Variants in RETSAT observed in about 807,000 individuals in gnomAD.
RETSAT encodes all-trans-retinol 13,14-reductase.
RETSAT carries 35 observed loss-of-function variants against 61.6 expected under a neutral mutation model. That is an observed-to-expected ratio of 0.57 (90% CI 0.43 to 0.75). The LOEUF (loss-of-function observed/expected upper bound fraction) is 0.75. Ranked by LOEUF, RETSAT falls within the 30% of genes least tolerant of loss-of-function variation. The pLI, the probability that RETSAT is intolerant of heterozygous loss-of-function variation, is 0.00. For synonymous variants in RETSAT, 277 were observed against 310.4 expected (o/e 0.89, Z 1.13); for missense variants, 670 against 759.5 (o/e 0.88, Z 1.38).
chr2:85,344,393 C>T (rs1261970054), intron 7 of RETSAT, 45 bp from the exon 8 acceptor site: 1 of 1,593,558 alleles, frequency 6.3e-7, no homozygotes. Flanking sequence ...TTTTTGTCCT[C>T]AAAACCCCAG....
intron 3 of RETSAT, among the ~76,000 whole-genome samples, chr2:85,350,548 C>G (rs919084388): frequency 6.6e-6 from 1 of 152,062 alleles, no homozygotes; most frequent in Admixed American, 6.6e-5. Context: ...GGGAGGAGAG[C>G]AGGGCATCCC....
chr2:85,344,287 A>G lies in RETSAT; in HGVS notation c.1318T>C (p.Phe440Leu). The change falls in exon 8 of 11, where the codon TTC becomes CTC. Residue 440 changes from phenylalanine to leucine, a missense_variant. By Grantham distance (22) the Phe-to-Leu change is conservative. Coordinates refer to ENST00000295802, the MANE Select transcript of RETSAT (RefSeq NM_017750.4). ...GGATCTTTGGCTGATGGGAAAGCGAAGAAGAGAAGAGGGATGTGTTCCGCA... is the reference window on the plus strand; with the variant it reads ...GGATCTTTGGCTGATGGGAAAGCGAGGAAGAGAAGAGGGATGTGTTCCGCA... The part of the protein sequence containing the change: ...EAAEHIPLLF[F>L]AFPSAKDPTW... The G allele has an allele frequency of 6.2e-7, 1 of 1,614,098 alleles. No individual in the cohort carries two copies. The highest frequency in any genetic ancestry group is 8.5e-7 in the Non-Finnish European group (1 of 1,180,010).
chr2:85,351,273 C>A (rs891951547), intron 2 of RETSAT: 2 of 526,746 alleles, frequency 3.8e-6, no homozygotes, highest in Non-Finnish European at 6.8e-6. Context: ...CACCCATAAT[C>A]CCAACACTTT....
At position 85,350,069 on chromosome 2, in the gene RETSAT, G is replaced by T. The variant is rs1012326861; in HGVS notation, c.770C>A (p.Ala257Glu). 1 of 1,613,826 alleles carries T rather than the reference G, an allele frequency of 6.2e-7. No individual in the cohort carries two copies. The highest frequency in any genetic ancestry group is 1.3e-5 in the African/African-American group (1 of 75,006). ...AGTGGGGAAGATGTAGCTGAGTACT[G>T]CCTGGAGCTCAGAGGAGGCCCCCAG... ...QQLGASSELQAVLSYIFPTYG... is the reference protein window; with the variant it reads ...QQLGASSELQEVLSYIFPTYG... Residue 257 changes from alanine to glutamate, a missense_variant, in exon 4 of 11, where the codon GCA (alanine) becomes GAA (glutamate). Transcript: ENST00000295802.
rs536129262 is a variant in RETSAT at position 85,348,008 on chromosome 2, T to A, written c.997+1376A>T. On this transcript the variant is annotated intron_variant, in intron 5 of 10. Coordinates refer to ENST00000295802, the MANE Select transcript of RETSAT (RefSeq NM_017750.4). Reference sequence around the variant, plus strand: ...CCAGTTTTTCCCAGGCCTCTTTTTGTCTGCTTCCCTGGCTTCTTTAAGCAC... The same window carrying A: ...CCAGTTTTTCCCAGGCCTCTTTTTGACTGCTTCCCTGGCTTCTTTAAGCAC... 3.3e-5 allele frequency among the ~76,000 whole-genome samples: 5 copies of A among 152,354 alleles called. No individual in the cohort carries two copies. In the East Asian group the frequency reaches 9.6e-4, roughly 29 times the overall value.
At position 85,345,991 on chromosome 2, in the gene RETSAT, G is replaced by C. The variant is rs138319569; in HGVS notation, c.1101C>G (p.Asn367Lys). ...FNTYEHLLPG[N>K]ARCLPGVKQQ... ...GCCTTTTACCTGGCAGGCAGCGGGCGTTCCCCGGCAGTAGGTGTTCATAGG... is the reference window on the plus strand; with the variant it reads ...GCCTTTTACCTGGCAGGCAGCGGGCCTTCCCCGGCAGTAGGTGTTCATAGG... The change falls in exon 6 of 11, where the codon AAC (asparagine) becomes AAG (lysine). Residue 367 changes from asparagine (N) to lysine (K), a missense_variant. Asn to Lys is a moderately conservative substitution (Grantham distance 94). Transcript: ENST00000295802. 129 of 1,614,048 alleles carry C rather than the reference G, an allele frequency of 8.0e-5. 1 individual carries two copies. Among genetic ancestry groups the C allele is most frequent in the Admixed American group, 8.3e-5 (5 of 59,992 alleles).
Position 85,350,168 on chromosome 2 carries a change from C to T in RETSAT, c.671G>A (p.Arg224Lys). The T allele has an allele frequency of 4.3e-6, 7 of 1,613,972 alleles. No homozygotes were observed. Among genetic ancestry groups the T allele is most frequent in the Non-Finnish European group, 5.9e-6 (7 of 1,180,018 alleles). Residue 224 changes from arginine (R) to lysine (K), a missense_variant, in exon 4 of 11, where the codon AGG becomes AAG. By Grantham distance (26) the Arg-to-Lys change is conservative (BLOSUM62 2). Coordinates refer to ENST00000295802, the MANE Select transcript of RETSAT (RefSeq NM_017750.4). ...AGAGAAACGAGTCAGCAGCCCACAC[C>T]TGTCGAGGAGCTGAACCACGGGCAA... ...LPLPVVQLLD[R>K]CGLLTRFSPF...
Position 85,342,587 on chromosome 2 carries a change from A to G in RETSAT, c.*655T>C, listed in dbSNP as rs1226021212. The stretch of plus-strand genomic sequence containing the variant: ...CCCGGGACTTCCATATGAATTGGAT[A>G]TGATCATCTGACATGCACCCTACTA... On this transcript the variant is annotated 3_prime_UTR_variant, in exon 11 of 11. Transcript: ENST00000295802. 6.6e-6 allele frequency: 1 copy of G among 152,564 alleles called. No individual in the cohort carries two copies. The highest frequency in any genetic ancestry group is 1.5e-5 in the Non-Finnish European group (1 of 68,372). The allele number at this position is 152,564 out of a possible 1,614,324, so 9.5% of individuals were successfully genotyped here.
At chr2:85,354,303 T>G in intron 1 of RETSAT, 33 bp downstream of exon 1, 1 of 1,612,280 alleles carries the variant, frequency 6.2e-7, no homozygotes. Context: ...AAGCCTCGAG[T>G]GCAGCCCCGG....
Position 85,346,060 on chromosome 2 carries a change from G to A in RETSAT, c.1032C>T (p.Asn344=), listed in dbSNP as rs752594681. The change falls in exon 6 of 11, where the codon AAC becomes AAT. Residue 344 remains asparagine (N), a synonymous_variant. Coordinates refer to ENST00000295802, the MANE Select transcript of RETSAT (RefSeq NM_017750.4). The part of the protein sequence containing the change: ...VSVKKGHELV[N]IYCPIVVSNA... Reference sequence around the variant, plus strand: ...TGGAGACCACGATGGGGCAATAGATGTTCACCAGCTCATGCCCCTTCTTCA... The same window carrying A: ...TGGAGACCACGATGGGGCAATAGATATTCACCAGCTCATGCCCCTTCTTCA... 2.3e-5 allele frequency: 37 copies of A among 1,613,818 alleles called. No individual in the cohort carries two copies. Among genetic ancestry groups the A allele is most frequent in the South Asian group, 1.9e-4 (17 of 91,082 alleles).
chr2:85,345,058 G>A (rs1395031242), intron 6 of RETSAT, among the ~76,000 whole-genome samples: 1 of 152,178 alleles, frequency 6.6e-6, no homozygotes, highest in Non-Finnish European at 1.5e-5. Flanking sequence ...GTCACAGAGA[G>A]AAAGGTAGGA....
At chr2:85,349,851 A>G in intron 4 of RETSAT, 189 bp downstream of exon 4, 1 of 639,792 alleles carries the variant, frequency 1.6e-6, no homozygotes, top group Non-Finnish European at 2.7e-6. Flanking sequence ...CATCCAAGGC[A>G]TGGATGAACA....
rs755256878 is a variant in RETSAT, at chr2:85,343,838, G to C, written c.1534-40C>G. On this transcript the variant is annotated intron_variant, in intron 9 of 10. Coordinates refer to ENST00000295802, the MANE Select transcript of RETSAT (RefSeq NM_017750.4). ...GGTGGGGCAGGCATGTGAGATCCTG[G>C]CTCCCCTCCCTCTTCCACTCTTTCC... The C allele has an allele frequency of 9.9e-6, 16 of 1,608,794 alleles. No individual in the cohort carries two copies. The African/African-American group carries it at 1.7e-4, about 17-fold the overall frequency.
chr2:85,343,709 C>T lies in RETSAT; in HGVS notation c.1623G>A (p.Leu541=), dbSNP rs1038019998. Residue 541 remains leucine (L), a synonymous_variant, in exon 10 of 11, where the codon CTG becomes CTA. Transcript: ENST00000295802. ...RGACYGADHD[L]GRLHPCVMAS... ...CCATCACACAAGGGTGCAGGCGGCC[C>T]AGGTCATGGTCAGCCCCGTAGCAGG... 20 of 1,614,018 alleles carry T rather than the reference C, an allele frequency of 1.2e-5. 1 individual carries two copies. In the Admixed American group the frequency reaches 2.7e-4, roughly 22 times the overall value.
At chr2:85,344,404 A>G (rs1683152163) in intron 7 of RETSAT, 56 bp from the exon 8 acceptor site, 1 of 1,580,292 alleles carries the variant, frequency 6.3e-7, no homozygotes, top group African/African-American at 1.3e-5. Context: ...AAAACCCCAG[A>G]ACCACTGCAA....
At chr2:85,349,923 T>G (rs1683269539) in intron 4 of RETSAT, 117 bp downstream of exon 4, 1 of 968,358 alleles carries the variant, frequency 1.0e-6, no homozygotes, top group African/African-American at 1.6e-5. Flanking sequence ...CCAGAGGGCC[T>G]GGGGTTTACA....
rs1166731277 is a variant in RETSAT, at chr2:85,351,799, C to T, written c.236G>A (p.Gly79Asp). The T allele has an allele frequency of 2.5e-6, 4 of 1,614,028 alleles. No individual in the cohort carries two copies. Among genetic ancestry groups the T allele is most frequent in the South Asian group, 1.1e-5 (1 of 91,096 alleles). ...DVVVIGSGFGGLAAAAILAKA... is the reference protein window; with the variant it reads ...DVVVIGSGFGDLAAAAILAKA... ...AGCTAGAATTGCAGCTGCAGCCAGGCCCCCAAAGCCACTGCCAATTACCAC... is the reference window on the plus strand; with the variant it reads ...AGCTAGAATTGCAGCTGCAGCCAGGTCCCCAAAGCCACTGCCAATTACCAC... The change falls in exon 2 of 11, where the codon GGC (glycine) becomes GAC (aspartate). Residue 79 changes from glycine (G) to aspartate (D), a missense_variant. By Grantham distance (94) the Gly-to-Asp change is moderately conservative. Coordinates refer to ENST00000295802, the MANE Select transcript of RETSAT (RefSeq NM_017750.4).
chr2:85,350,155 C>G lies in RETSAT; in HGVS notation c.684G>C (p.Leu228=), dbSNP rs1311335595. 6.2e-7 allele frequency: 1 copy of G among 1,613,968 alleles called. No homozygotes were observed. Among genetic ancestry groups the G allele is most frequent in the East Asian group, 2.2e-5 (1 of 44,868 alleles). The change falls in exon 4 of 11, where the codon CTG becomes CTC. Residue 228 remains leucine, a synonymous_variant. Transcript: ENST00000295802. ...VVQLLDRCGL[L]TRFSPFLQAS... is the part of the protein sequence containing the mutation. ...CTTGAAGGAATGGAGAGAAACGAGT[C>G]AGCAGCCCACACCTGTCGAGGAGCT...
At chr2:85,347,342 A>G (rs1160487680) in intron 5 of RETSAT, among the ~76,000 whole-genome samples, 1 of 151,976 alleles carries the variant, frequency 6.6e-6, no homozygotes, top group East Asian at 1.9e-4. Flanking sequence ...CAATTCTCCT[A>G]TCCTGGCCTC....
Sources: allele counts gnomAD v4.1 joint callset (sites outside exome capture counted in the v4.1 genomes callset), GRCh38; gene constraint gnomAD v4.1.1; transcripts MANE v1.5; gene names NCBI Gene and HGNC (gene_info 2026-07-23, HGNC 2026-07-21).